Variants in UBL3 observed in about 807,000 individuals in gnomAD.
UBL3 encodes ubiquitin-like protein 3.
A neutral mutation model predicts 18.4 loss-of-function variants in UBL3; 6 were observed. The ratio of observed to expected loss-of-function variants is 0.33; its 90% confidence interval spans 0.18 to 0.64. The LOEUF (loss-of-function observed/expected upper bound fraction) is 0.64, where lower values mean the gene tolerates loss of function less well. UBL3 is among the 30% of genes least tolerant of loss of function. The pLI, the probability that UBL3 is intolerant of heterozygous loss-of-function variation, is 0.76. For synonymous variants in UBL3, 49 were observed against 46.6 expected (o/e 1.05, Z -0.21); for missense variants, 109 against 142.9 (o/e 0.76, Z 1.21).
At chr13:29,843,389 CATT>C (rs1762654627) in intron 1 of UBL3, among the ~76,000 whole-genome samples, 1 of 152,022 alleles carries the variant, frequency 6.6e-6, no homozygotes, top group Non-Finnish European at 1.5e-5. Context: ...ATTAGGTGAG[CATT>C]ATTATTAAAT....
intron 1 of UBL3, among the ~76,000 whole-genome samples, chr13:29,804,741 G>A (rs186589175): frequency 3.4e-4 from 51 of 152,212 alleles, no homozygotes; most frequent in South Asian, 1.9e-3. Flanking sequence ...TCCAAAGATC[G>A]AACCAGGAAG....
At chr13:29,776,689 G>A (rs1362193240) in intron 2 of UBL3, among the ~76,000 whole-genome samples, 1 of 151,730 alleles carries the variant, frequency 6.6e-6, no homozygotes, top group African/African-American at 2.4e-5. Context: ...TGGCCGACAT[G>A]GTGAAACCCT....
intron 3 of UBL3, among the ~76,000 whole-genome samples, chr13:29,771,279 T>C (rs1876833918): frequency 6.6e-6 from 1 of 152,060 alleles, no homozygotes. Flanking sequence ...TGCCTATACG[T>C]TTCCAATTAT....
intron 1 of UBL3, among the ~76,000 whole-genome samples, chr13:29,839,799 T>A (rs561517816): frequency 6.6e-5 from 10 of 151,688 alleles, no homozygotes; most frequent in African/African-American, 2.2e-4. Context: ...TGGTGGCGGG[T>A]GCCTGTAGTC....
intron 1 of UBL3, among the ~76,000 whole-genome samples, chr13:29,779,885 G>A (rs965024449): frequency 2.6e-5 from 4 of 152,160 alleles, no homozygotes; most frequent in African/African-American, 7.2e-5. Context: ...AAGTGAGATC[G>A]TAAGGGTGAG....
chr13:29,799,329 T>C (rs903517783), intron 1 of UBL3, among the ~76,000 whole-genome samples: 2 of 152,254 alleles, frequency 1.3e-5, no homozygotes, highest in Non-Finnish European at 2.9e-5. Context: ...TATTACTTAA[T>C]TCATACCTTT....
At chr13:29,835,115 T>TATAAATATAAATATAA (rs1878901497) in intron 1 of UBL3, among the ~76,000 whole-genome samples, 1 of 25,832 alleles carries the variant, frequency 3.9e-5, no homozygotes, top group Non-Finnish European at 5.7e-5. Flanking sequence ...TAAATATATA[T>TATAAATATAAATATAA]ATATATATAA....
intron 1 of UBL3, among the ~76,000 whole-genome samples, chr13:29,785,612 G>A (rs972917397): frequency 3.9e-5 from 6 of 152,122 alleles, no homozygotes; most frequent in African/African-American, 1.2e-4. Flanking sequence ...ATGAGGAAGC[G>A]ATATATTCAT....
intron 1 of UBL3, among the ~76,000 whole-genome samples, chr13:29,802,345 T>G (rs1877793655): frequency 6.6e-6 from 1 of 152,206 alleles, no homozygotes; most frequent in African/African-American, 2.4e-5. Context: ...ACACCACAGT[T>G]AAAGAACATC....
At chr13:29,826,108 T>C (rs970030083) in intron 1 of UBL3, among the ~76,000 whole-genome samples, 9 of 152,210 alleles carry the variant, frequency 5.9e-5, no homozygotes, top group African/African-American at 1.7e-4. Context: ...CAGTATTTTA[T>C]TGAGGATTTT....
rs554667535 is a variant in UBL3 at position 29,831,938 on chromosome 13, A to C, written c.27+17574T>G. Among the ~76,000 whole-genome samples, 5 of 152,334 alleles carry C rather than the reference A, an allele frequency of 3.3e-5. No individual in the cohort carries two copies. The Middle Eastern group carries it at 0.01, about 311-fold the overall frequency. On this transcript the variant is annotated intron_variant, in intron 1 of 4. Transcript: ENST00000380680. ...GATACACATAGATATTTTCATTAAA[A>C]TTAAACATAAGTAAAAATTCGCTTC...
chr13:29,809,022 C>T (rs1356623253), intron 1 of UBL3, among the ~76,000 whole-genome samples: 1 of 152,120 alleles, frequency 6.6e-6, no homozygotes, highest in Non-Finnish European at 1.5e-5. Flanking sequence ...ATAAACATCT[C>T]TACAAGGTAT....
intron 2 of UBL3, among the ~76,000 whole-genome samples, 189 bp downstream of exon 2, chr13:29,776,966 T>C (rs1358512776): frequency 6.6e-6 from 1 of 152,020 alleles, no homozygotes; most frequent in African/African-American, 2.4e-5. Flanking sequence ...TGGGCTCCTT[T>C]ACCATTTGGG....
chr13:29,777,166 T>A lies in UBL3; in HGVS notation c.125A>T (p.Asn42Ile), dbSNP rs765268734. ...AAAATATCACTCACCCATTGGCCAA[T>A]TGTCATATACATGCTTTGCAATGTC... ...ASDIAKHVYD[N>I]WPMDWEEEQV... Residue 42 changes from asparagine (N) to isoleucine (I), a missense_variant, in exon 2 of 5, where the codon AAT becomes ATT. Asn to Ile is a moderately radical substitution (Grantham distance 149). Transcript: ENST00000380680. The A allele has an allele frequency of 6.3e-6, 10 of 1,592,626 alleles. No individual in the cohort carries two copies. The highest frequency in any genetic ancestry group is 8.6e-6 in the Non-Finnish European group (10 of 1,168,948).
intron 1 of UBL3, among the ~76,000 whole-genome samples, chr13:29,820,373 A>C (rs1392006017): frequency 6.6e-6 from 1 of 151,922 alleles, no homozygotes; most frequent in African/African-American, 2.4e-5. Flanking sequence ...ATGGGGTTTC[A>C]CCACGTTGGC....
chr13:29,845,050 T>C (rs1306605993), intron 1 of UBL3, among the ~76,000 whole-genome samples: 2 of 152,058 alleles, frequency 1.3e-5, no homozygotes, highest in African/African-American at 4.8e-5. Context: ...AGTGATACTA[T>C]ATCCATAGAA....
rs74044767 is a variant in UBL3 at position 29,848,998 on chromosome 13, G to A, written c.27+514C>T. Among the ~76,000 whole-genome samples, 430 of 152,332 alleles carry A rather than the reference G, an allele frequency of 2.8e-3. 1 individual carries two copies. The highest frequency in any genetic ancestry group is 0.01 in the African/African-American group (424 of 41,572). On this transcript the variant is annotated intron_variant, in intron 1 of 4. Coordinates refer to ENST00000380680, the MANE Select transcript of UBL3 (RefSeq NM_007106.4). ...ATATTTCTGTTGCCATCCGTATTCA[G>A]ACATTTCAAAAACCTCACAGCAAAT...
At chr13:29,782,993 GT>G (rs1053116872) in intron 1 of UBL3, among the ~76,000 whole-genome samples, 2 of 152,168 alleles carry the variant, frequency 1.3e-5, no homozygotes, top group African/African-American at 4.8e-5. Flanking sequence ...TAATATTTCT[GT>G]TTTTTCAGTT....
rs535892963 is a variant in UBL3 at position 29,766,540 on chromosome 13, A to G, written c.*715T>C. 33 of 152,738 alleles carry G rather than the reference A, an allele frequency of 2.2e-4. No individual in the cohort carries two copies. Among genetic ancestry groups the G allele is most frequent in the African/African-American group, 7.9e-4 (33 of 41,578 alleles). 9.5% of individuals were successfully genotyped at this position (152,738 alleles called of 1,614,324 possible). A position where few individuals can be genotyped will look rare whatever the true frequency, so the allele number is the denominator to read the frequency against. On this transcript the variant is annotated 3_prime_UTR_variant, in exon 5 of 5. Coordinates refer to ENST00000380680, the MANE Select transcript of UBL3 (RefSeq NM_007106.4). ...TCACCCCTTCTTGTGCTGTCTAAAC[A>G]AACACTCAGTTACTGTAGGACTCAA...
Sources: allele counts gnomAD v4.1 joint callset (sites outside exome capture counted in the v4.1 genomes callset), GRCh38; gene constraint gnomAD v4.1.1; transcripts MANE v1.5; gene names NCBI Gene and HGNC (gene_info 2026-07-23, HGNC 2026-07-21).